Variants in OCIAD2 observed in about 807,000 individuals in gnomAD.
The protein encoded by OCIAD2 is OCIA domain containing 2.
Under a neutral mutation model 22.9 loss-of-function variants are expected in OCIAD2, and 29 were observed. That is an observed-to-expected ratio of 1.27 (90% confidence interval 0.94 to 1.73). The LOEUF is 1.73. Among genes scored for constraint, OCIAD2 ranks in the 40% most tolerant of loss-of-function variants. OCIAD2 has a pLI of 0.00. For synonymous variants in OCIAD2, 67 were observed against 60.2 expected (o/e 1.11, Z -0.52); for missense variants, 189 against 180.3 (o/e 1.05, Z -0.28).
rs1445389124 is a variant in OCIAD2, at chr4:48,904,550, G to A, written c.-1C>T. On this transcript the variant is annotated 5_prime_UTR_variant, in exon 2 of 7. Coordinates refer to ENST00000508632, the MANE Select transcript of OCIAD2 (RefSeq NM_001014446.3). ...TTCCACGAGCAGACGCTGAAGCCAT[G>A]ATGACTTTGTGCTTGCTCTCCTTCC... 1.2e-6 allele frequency: 2 copies of A among 1,613,988 alleles called. No homozygotes were observed. The highest frequency in any genetic ancestry group is 1.7e-6 in the Non-Finnish European group (2 of 1,179,918).
intron 2 of OCIAD2, among the ~76,000 whole-genome samples, chr4:48,903,934 C>T (rs187028806): frequency 0.01 from 1,557 of 151,768 alleles, 15 homozygotes; most frequent in Non-Finnish European, 0.014. Context: ...CGTGAGCCAC[C>T]GCGCCCAGCC....
At chr4:48,901,954 G>C (rs1484507157) in intron 2 of OCIAD2, among the ~76,000 whole-genome samples, 1 of 151,942 alleles carries the variant, frequency 6.6e-6, no homozygotes, top group East Asian at 1.9e-4. Context: ...GGCGTGGGGG[G>C]GGCGTTCTCA....
chr4:48,892,638 C>A, intron 6 of OCIAD2, 134 bp downstream of exon 6: 1 of 505,482 alleles, frequency 2.0e-6, no homozygotes, highest in Non-Finnish European at 3.5e-6. Flanking sequence ...GTAACAACAA[C>A]GCTAAACTTG....
At chr4:48,895,875 T>C (rs1252622696) in intron 4 of OCIAD2, among the ~76,000 whole-genome samples, 1 of 151,898 alleles carries the variant, frequency 6.6e-6, no homozygotes, top group African/African-American at 2.4e-5. Flanking sequence ...CTACTAAAAA[T>C]ACAAAAATTT....
At chr4:48,903,617 G>A (rs1781463547) in intron 2 of OCIAD2, among the ~76,000 whole-genome samples, 1 of 151,500 alleles carries the variant, frequency 6.6e-6, no homozygotes, top group African/African-American at 2.4e-5. Context: ...ATTACAAACA[G>A]GAAAGAGTAA....
In OCIAD2 at chr4:48,894,037, A is replaced by T; in HGVS notation, c.234T>A (p.Asn78Lys). The change falls in exon 5 of 7, where the codon AAT (asparagine) becomes AAA (lysine). Residue 78 changes from asparagine to lysine, a missense_variant. Physicochemically the swap from Asn to Lys is moderately conservative, Grantham distance 94 (BLOSUM62 0). Transcript: ENST00000508632. ...CTTTGGGCAATGATCCAAATCTAGA[A>T]TTAGCTGCCAAATAACCTAAGGAGT... is the stretch of plus-strand genomic sequence containing the variant. ...GLVYQGYLAA[N>K]SRFGSLPKVA... 1 of 1,505,026 alleles carries T rather than the reference A, an allele frequency of 6.6e-7. No homozygotes were observed. The highest frequency in any genetic ancestry group is 8.9e-7 in the Non-Finnish European group (1 of 1,119,322). The allele number at this position is 1,505,026 out of a possible 1,614,324, so 93.2% of individuals were successfully genotyped here.
At chr4:48,906,479 A>G (rs1235977701) in intron 1 of OCIAD2, among the ~76,000 whole-genome samples, 179 bp downstream of exon 1, 1 of 152,212 alleles carries the variant, frequency 6.6e-6, no homozygotes, top group Non-Finnish European at 1.5e-5. Flanking sequence ...AGAAGCAGCC[A>G]GCGCCACCCC....
At position 48,899,819 on chromosome 4, in the gene OCIAD2, G is replaced by C. The variant is rs1430864812; in HGVS notation, c.163+10C>G. 2 of 1,593,270 alleles carry C rather than the reference G, an allele frequency of 1.3e-6. No individual in the cohort carries two copies. Among genetic ancestry groups the C allele is most frequent in the Non-Finnish European group, 1.7e-6 (2 of 1,162,384 alleles). ...TTTACTGCCACAAATACAGTGTTAG[G>C]TGCAATTACCTCTCTTCCAGAAACT... On this transcript the variant is annotated intron_variant, in intron 3 of 6. Transcript: ENST00000508632.
chr4:48,901,291 C>T (rs1781409893), intron 2 of OCIAD2, among the ~76,000 whole-genome samples: 1 of 151,928 alleles, frequency 6.6e-6, no homozygotes, highest in South Asian at 2.1e-4. Context: ...CCTATGGACC[C>T]ATGAGAGAAC....
At chr4:48,896,512 G>A (rs1241808952) in intron 4 of OCIAD2, among the ~76,000 whole-genome samples, 2 of 152,118 alleles carry the variant, frequency 1.3e-5, no homozygotes, top group African/African-American at 2.4e-5. Context: ...AGCGTCACTC[G>A]AGCCCAGGAG....
intron 6 of OCIAD2, among the ~76,000 whole-genome samples, chr4:48,889,036 G>A (rs1017111020): frequency 1.1e-4 from 16 of 152,150 alleles, no homozygotes; most frequent in African/African-American, 3.9e-4. Context: ...GTCTACTGAA[G>A]GGATTCAACT....
chr4:48,901,011 C>T (rs1781403054), intron 2 of OCIAD2, among the ~76,000 whole-genome samples: 2 of 152,296 alleles, frequency 1.3e-5, no homozygotes, highest in South Asian at 2.1e-4. Context: ...TCCACATTCT[C>T]CACTCCTTCC....
intron 6 of OCIAD2, among the ~76,000 whole-genome samples, chr4:48,888,682 A>C (rs941686598): frequency 6.6e-6 from 1 of 152,198 alleles, no homozygotes; most frequent in Non-Finnish European, 1.5e-5. Context: ...CCCAGGGATG[A>C]AGCCCACTTG....
chr4:48,896,186 A>G (rs776504401), intron 4 of OCIAD2, among the ~76,000 whole-genome samples: 4 of 152,198 alleles, frequency 2.6e-5, no homozygotes, highest in Non-Finnish European at 4.4e-5. Context: ...CAAGAATGAT[A>G]TTGGTCAAAG....
In OCIAD2 at chr4:48,893,793, C is replaced by A. The variant is rs114932928; in HGVS notation, c.265+213G>T. 823 of 298,936 alleles carry A rather than the reference C, an allele frequency of 2.8e-3. 5 individuals are homozygous for A. Among genetic ancestry groups the A allele is most frequent in the African/African-American group, 0.017 (759 of 45,922 alleles). The allele number at this position is 298,936 out of a possible 1,614,324, so 18.5% of individuals were successfully genotyped here. A position where few individuals can be genotyped will look rare whatever the true frequency, so the allele number is the denominator to read the frequency against. ...ATACAGGCAGTTTAGTTAGGCTGGA[C>A]ATTCGTATCTCCAGTTGCTAGTAAT... On this transcript the variant is annotated intron_variant, in intron 5 of 6. Coordinates refer to ENST00000508632, the MANE Select transcript of OCIAD2 (RefSeq NM_001014446.3).
intron 4 of OCIAD2, among the ~76,000 whole-genome samples, chr4:48,894,980 A>G (rs1781271226): frequency 6.6e-6 from 1 of 152,228 alleles, no homozygotes. Context: ...AGGTGTACCC[A>G]ATGTCATCCT....
chr4:48,905,645 T>C (rs2109688595), intron 1 of OCIAD2, among the ~76,000 whole-genome samples: 1 of 152,326 alleles, frequency 6.6e-6, no homozygotes, highest in East Asian at 1.9e-4. Flanking sequence ...CCTCTACCTC[T>C]GCTTTTCTTC....
intron 4 of OCIAD2, among the ~76,000 whole-genome samples, chr4:48,895,160 G>C (rs578213870): frequency 7.2e-5 from 11 of 152,300 alleles, no homozygotes; most frequent in Admixed American, 3.3e-4. Flanking sequence ...GAAGAACACA[G>C]CTGGGGCGAC....
chr4:48,892,808 T>C lies in OCIAD2; in HGVS notation c.347A>G (p.Gln116Arg), dbSNP rs577702252. 104 of 1,612,142 alleles carry C rather than the reference T, an allele frequency of 6.5e-5. 2 individuals carry two copies. The South Asian group carries it at 1.0e-3, about 16-fold the overall frequency. The change falls in exon 6 of 7, where the codon CAG becomes CGG. Residue 116 changes from glutamine to arginine, a missense_variant. Gln to Arg is a conservative substitution (Grantham distance 43, BLOSUM62 1). Coordinates refer to ENST00000508632, the MANE Select transcript of OCIAD2 (RefSeq NM_001014446.3). Reference sequence around the variant, plus strand: ...TGGACCAAAACCAGCCCCACGGAGCTGATCTTCAAAAAAATGGAATTTACT... The same window carrying C: ...TGGACCAAAACCAGCCCCACGGAGCCGATCTTCAAAAAAATGGAATTTACT... Reference protein sequence around the residue: ...CQSKFHFFEDQLRGAGFGPQH... With the variant: ...CQSKFHFFEDRLRGAGFGPQH...
Sources: allele counts gnomAD v4.1 joint callset (sites outside exome capture counted in the v4.1 genomes callset), GRCh38; gene constraint gnomAD v4.1.1; transcripts MANE v1.5; gene names NCBI Gene and HGNC (gene_info 2026-07-23, HGNC 2026-07-21).